The following ADGB variants were observed in gnomAD, a reference collection of about 807,000 sequenced individuals.
ADGB encodes the protein androglobin.
In ADGB, 172 loss-of-function variants were observed where a neutral mutation model predicts 210.5. The observed-to-expected ratio is 0.82, with a 90% CI of 0.72 to 0.93. The LOEUF is 0.93. Among genes scored for constraint, ADGB ranks in the 40% least tolerant of loss-of-function variants. The pLI, the probability that ADGB is intolerant of heterozygous loss-of-function variation, is 0.00. For missense variants in ADGB, 2,025 were observed against 1,964.8 expected, an observed-to-expected ratio of 1.03 and a Z score of -0.58; for synonymous variants, 658 against 662.7, an observed-to-expected ratio of 0.99 and a Z score of 0.11.
At chr6:146,659,955 C>T (rs1372404132) in intron 5 of ADGB, among the ~76,000 whole-genome samples, 2 of 152,068 alleles carry the variant, frequency 1.3e-5, no homozygotes, top group African/African-American at 4.8e-5. Flanking sequence ...ATAATTTTTC[C>T]CAGTTGCCAT....
chr6:146,694,781 A>G (rs1202429460), intron 12 of ADGB, among the ~76,000 whole-genome samples: 1 of 152,166 alleles, frequency 6.6e-6, no homozygotes, highest in Non-Finnish European at 1.5e-5. Flanking sequence ...ATACTGTGTA[A>G]GTTATTTTCC....
rs1367820576 is a variant in ADGB at position 146,724,138 on chromosome 6, A to G, written c.2096-48A>G. On this transcript the variant is annotated intron_variant, in intron 17 of 35. Coordinates refer to ENST00000397944, the MANE Select transcript of ADGB (RefSeq NM_024694.4). ...AAAAAGACAGTACTAGTGAATGCCA[A>G]CTACACTTTCATGATCAAACTTTAA... is the stretch of plus-strand genomic sequence containing the variant. 4.0e-6 allele frequency: 6 copies of G among 1,493,438 alleles called. No individual in the cohort carries two copies. The African/African-American group carries it at 7.1e-5, about 18-fold the overall frequency. 92.5% of individuals were successfully genotyped at this position (1,493,438 alleles called of 1,614,324 possible). A position where few individuals can be genotyped will look rare whatever the true frequency, so the allele number is the denominator to read the frequency against.
chr6:146,706,295 C>T (rs1776568615), intron 13 of ADGB, among the ~76,000 whole-genome samples: 1 of 145,178 alleles, frequency 6.9e-6, no homozygotes, highest in Non-Finnish European at 1.5e-5. Flanking sequence ...GAGTCTTGCT[C>T]TGTGGCCAGG....
Position 146,648,107 on chromosome 6 carries a change from A to ACATTTAC in ADGB, c.330+3246_330+3252dup, listed in dbSNP as rs1416626855. Among the ~76,000 whole-genome samples the ACATTTAC allele has an allele frequency of 2.7e-5, 4 of 147,580 alleles. No homozygotes were observed. The Admixed American group carries it at 2.8e-4, about 10-fold the overall frequency. ...AATAAGTCATTTTATTTTAGGCCAA[A>ACATTTAC]CATTTACCATCTGAGTTTTTTACAC... On this transcript the variant is annotated intron_variant, in intron 3 of 35. Transcript: ENST00000397944.
At chr6:146,609,873 G>A (rs183493294) in intron 1 of ADGB, among the ~76,000 whole-genome samples, 1 of 152,214 alleles carries the variant, frequency 6.6e-6, no homozygotes, top group African/African-American at 2.4e-5. Context: ...AGCCTTTTCT[G>A]GTTGGTAGAT....
Position 146,672,339 on chromosome 6 carries a change from C to A in ADGB, c.959C>A (p.Pro320Gln). The A allele has an allele frequency of 3.2e-6, 5 of 1,551,048 alleles. No individual in the cohort carries two copies. The highest frequency in any genetic ancestry group is 4.4e-6 in the Non-Finnish European group (5 of 1,146,744). Reference protein sequence around the residue: ...IAVLDSKLKEPGKEGKEGKEI... With the variant: ...IAVLDSKLKEQGKEGKEGKEI... ...GTGTTAGATTCTAAATTAAAAGAAC[C>A]AGGGAAAGAAGGGAAGGAGGGAAAA... Residue 320 changes from proline (P) to glutamine (Q), a missense_variant, in exon 8 of 36, where the codon CCA becomes CAA. Coordinates refer to ENST00000397944, the MANE Select transcript of ADGB (RefSeq NM_024694.4).
intron 6 of ADGB, among the ~76,000 whole-genome samples, chr6:146,665,191 C>A (rs1775922408): frequency 6.6e-6 from 1 of 151,990 alleles, no homozygotes; most frequent in African/African-American, 2.4e-5. Context: ...CACAGCTCAG[C>A]CCCCTCCCCT....
chr6:146,743,787 G>A (rs866235724), intron 25 of ADGB, among the ~76,000 whole-genome samples: 8 of 152,114 alleles, frequency 5.3e-5, no homozygotes, highest in African/African-American at 7.2e-5. Context: ...GGTGGCGTGC[G>A]CCTGTAGTCC....
chr6:146,696,980 G>A (rs536711282), intron 12 of ADGB, among the ~76,000 whole-genome samples: 72 of 152,098 alleles, frequency 4.7e-4, no homozygotes, highest in Non-Finnish European at 7.8e-4. Context: ...GAATATTTTC[G>A]GTTATTACCA....
chr6:146,669,975 A>G (rs1774426561), intron 7 of ADGB, among the ~76,000 whole-genome samples: 2 of 152,070 alleles, frequency 1.3e-5, no homozygotes, highest in Non-Finnish European at 2.9e-5. Context: ...CTAAAGAAAA[A>G]AACTAGAAGT....
chr6:146,664,444 A>G (rs979671228), intron 6 of ADGB, 104 bp downstream of exon 6: 10 of 1,225,046 alleles, frequency 8.2e-6, no homozygotes, highest in Non-Finnish European at 1.1e-5. Flanking sequence ...GCTAAAAGAC[A>G]GCTTTTTCCC....
intron 18 of ADGB, 21 bp from the exon 19 acceptor site, chr6:146,726,062 T>C (rs1295704776): frequency 8.2e-6 from 12 of 1,467,958 alleles, no homozygotes; most frequent in Non-Finnish European, 9.3e-6. Context: ...TCGGTTATCA[T>C]CCGGCATCCC....
At chr6:146,704,625 TCTCTA>T (rs1417592007) in intron 13 of ADGB, among the ~76,000 whole-genome samples, 2 of 152,062 alleles carry the variant, frequency 1.3e-5, no homozygotes, top group Admixed American at 1.3e-4. Context: ...TATTTTTGAC[TCTCTA>T]CTCTGTTCCA....
intron 7 of ADGB, among the ~76,000 whole-genome samples, chr6:146,670,115 C>T (rs1262517050): frequency 2.0e-5 from 3 of 152,146 alleles, no homozygotes; most frequent in Non-Finnish European, 4.4e-5. Context: ...CCTAGTTCAA[C>T]CACTGATCAC....
intron 19 of ADGB, among the ~76,000 whole-genome samples, chr6:146,726,447 A>G (rs537515411): frequency 1.4e-4 from 21 of 151,964 alleles, no homozygotes; most frequent in Non-Finnish European, 2.2e-4. Flanking sequence ...CTAGTCTCAA[A>G]CTCCTGACCT....
At position 146,632,644 on chromosome 6, in the gene ADGB, C is replaced by G. The variant is rs1781081991; in HGVS notation, c.75-2731C>G. Among the ~76,000 whole-genome samples, 4 of 152,252 alleles carry G rather than the reference C, an allele frequency of 2.6e-5. No homozygotes were observed. The South Asian group carries it at 8.3e-4, about 32-fold the overall frequency. On this transcript the variant is annotated intron_variant, in intron 1 of 35. Coordinates refer to ENST00000397944, the MANE Select transcript of ADGB (RefSeq NM_024694.4). ...ATAGAGTACCAGGGCAGAAATACAG[C>G]TCTGTTGATTACTAGAGATTGAAAT... is the stretch of plus-strand genomic sequence containing the variant.
At chr6:146,801,413 A>T (rs896546570) in intron 34 of ADGB, 134 bp downstream of exon 34, 1 of 468,604 alleles carries the variant, frequency 2.1e-6, no homozygotes, top group Admixed American at 4.3e-5. Context: ...AAAAATTTCT[A>T]TCACACCTGC....
intron 12 of ADGB, among the ~76,000 whole-genome samples, chr6:146,694,715 A>G (rs4052685): frequency 1.3e-5 from 2 of 152,054 alleles, no homozygotes; most frequent in Admixed American, 1.3e-4. Flanking sequence ...ATTTGACAAC[A>G]ATTATATATG....
chr6:146,752,870 A>C (rs1028671832), intron 27 of ADGB, among the ~76,000 whole-genome samples, 156 bp downstream of exon 27: 2 of 152,124 alleles, frequency 1.3e-5, no homozygotes, highest in Admixed American at 6.6e-5. Flanking sequence ...TTGCATGTCA[A>C]ATTAGGCTCC....
Sources: allele counts gnomAD v4.1 joint callset (sites outside exome capture counted in the v4.1 genomes callset), GRCh38; gene constraint gnomAD v4.1.1; transcripts MANE v1.5; gene names NCBI Gene and HGNC (gene_info 2026-07-23, HGNC 2026-07-21).